Variants in AP5Z1 observed in about 807,000 individuals in gnomAD.
AP5Z1 encodes AP-5 complex subunit zeta-1.
AP5Z1 carries 106 observed loss-of-function variants against 83.0 expected under a neutral mutation model. That is an observed-to-expected ratio of 1.28 (90% CI 1.09 to 1.50). The LOEUF (loss-of-function observed/expected upper bound fraction) is 1.50. Among genes scored for constraint, AP5Z1 ranks in the 40% most tolerant of loss-of-function variants. The probability of loss-of-function intolerance (pLI) is 0.00; values close to 1 mark genes in which losing one functional copy is unlikely to be tolerated. For synonymous variants in AP5Z1, 751 were observed against 514.1 expected, an observed-to-expected ratio of 1.46 and a Z score of -6.23; for missense variants, 1,565 against 1,094.2, an observed-to-expected ratio of 1.43 and a Z score of -6.07.
rs1004764407 is a variant in AP5Z1 at position 4,783,544 on chromosome 7, G to C, written c.511+84G>C. Reference sequence around the variant, plus strand: ...AGGGCCCATGGTGGGTTGGGAGTGTGGGGGGCAGGTGGGGGACACGGGGAG... The same window carrying C: ...AGGGCCCATGGTGGGTTGGGAGTGTCGGGGGCAGGTGGGGGACACGGGGAG... On this transcript the variant is annotated intron_variant, in intron 4 of 16. Transcript: ENST00000649063. The C allele has an allele frequency of 7.0e-6, 11 of 1,566,184 alleles. No homozygotes were observed. In the East Asian group the frequency reaches 1.4e-4, roughly 19 times the overall value.
At chr7:4,782,826 G>A (rs958962107) in intron 3 of AP5Z1, among the ~76,000 whole-genome samples, 1 of 152,178 alleles carries the variant, frequency 6.6e-6, no homozygotes, top group Non-Finnish European at 1.5e-5. Context: ...CTGCTGCCAG[G>A]CGCCAGCGGT....
rs1781777969 is a variant in AP5Z1 at position 4,791,634 on chromosome 7, T to TGA, written c.*249_*250insGA. 3.5e-6 allele frequency: 2 copies of TGA among 567,362 alleles called. No homozygotes were observed. Among genetic ancestry groups the TGA allele is most frequent in the Non-Finnish European group, 3.0e-6 (1 of 332,788 alleles). 35.1% of individuals were successfully genotyped at this position (567,362 alleles called of 1,614,324 possible). A position where few individuals can be genotyped will look rare whatever the true frequency, so the allele number is the denominator to read the frequency against. Reference sequence around the variant, plus strand: ...GAGGGGTGCCATGGAGCGGCTCTGATTGGAGGCTTGAGGCCCTGTGGCTGG... The same window carrying TGA: ...GAGGGGTGCCATGGAGCGGCTCTGATGATGGAGGCTTGAGGCCCTGTGGCTGG... On this transcript the variant is annotated 3_prime_UTR_variant, in exon 17 of 17. Transcript: ENST00000649063.
At chr7:4,790,138 T>C in intron 14 of AP5Z1, 3 of 1,459,332 alleles carry the variant, frequency 2.1e-6, no homozygotes, top group Non-Finnish European at 9.1e-7. Context: ...TCCTTCTTTC[T>C]GCCGAGCCTG....
intron 13 of AP5Z1, among the ~76,000 whole-genome samples, chr7:4,789,550 C>G (rs574815513): frequency 1.3e-5 from 2 of 152,338 alleles, no homozygotes; most frequent in South Asian, 4.1e-4. Flanking sequence ...GCACCCTTGG[C>G]CAAACAAGAC....
Position 4,790,595 on chromosome 7 carries a change from A to C in AP5Z1, c.1938+4A>C. On this transcript the variant is annotated splice_donor_region_variant and intron_variant, in intron 15 of 16. Coordinates refer to ENST00000649063, the MANE Select transcript of AP5Z1 (RefSeq NM_014855.3). ...GGCGAGCCTCGTCACCAGCGTGGTA[A>C]GGCGGGCGCTGGCCTCCCACAGCCG... 6.2e-7 allele frequency: 1 copy of C among 1,612,638 alleles called. No individual in the cohort carries two copies. Among genetic ancestry groups the C allele is most frequent in the Non-Finnish European group, 8.5e-7 (1 of 1,179,674 alleles).
chr7:4,781,856 T>A, intron 3 of AP5Z1, 102 bp downstream of exon 3: 1 of 1,329,772 alleles, frequency 7.5e-7, no homozygotes, highest in Non-Finnish European at 9.9e-7. Flanking sequence ...TGGCTGCTTG[T>A]TGTAGACGCA....
intron 9 of AP5Z1, 72 bp downstream of exon 9, chr7:4,785,756 T>C (rs1743387993): frequency 3.0e-6 from 4 of 1,347,910 alleles, no homozygotes; most frequent in African/African-American, 1.6e-5. Flanking sequence ...GAATTTCTTC[T>C]TCCCTTTTTT....
Position 4,791,213 on chromosome 7 carries a change from C to T in AP5Z1, c.2252C>T (p.Ala751Val), listed in dbSNP as rs747565297. ...GGCGCGGAAGCCATCCGTACCCGGG[C>T]CACAGAGCTGCTGACCCTGCTGAAG... ...EEGAEAIRTR[A>V]TELLTLLKMP... Residue 751 changes from alanine to valine, a missense_variant, in exon 17 of 17, where the codon GCC becomes GTC. By Grantham distance (64) the Ala-to-Val change is moderately conservative. Coordinates refer to ENST00000649063, the MANE Select transcript of AP5Z1 (RefSeq NM_014855.3). 1.2e-6 allele frequency: 2 copies of T among 1,612,780 alleles called. No individual in the cohort carries two copies. The highest frequency in any genetic ancestry group is 1.7e-6 in the Non-Finnish European group (2 of 1,179,822).
intron 11 of AP5Z1, 147 bp from the exon 12 acceptor site, chr7:4,788,007 C>A (rs1583236918): frequency 4.5e-6 from 6 of 1,323,756 alleles, no homozygotes; most frequent in Middle Eastern, 5.5e-4. Flanking sequence ...CGTCTTCACG[C>A]CCAGGCCTGG....
At position 4,790,476 on chromosome 7, in the gene AP5Z1, T is replaced by G; in HGVS notation, c.1823T>G (p.Phe608Cys). Residue 608 changes from phenylalanine (F) to cysteine (C), a missense_variant, in exon 15 of 17, where the codon TTC becomes TGC. Phe to Cys is a radical substitution (Grantham distance 205). Transcript: ENST00000649063. ...CTGGGCAGTGTGCTGAGTTCTCAGT[T>G]CCTGGCCCTGTGTACGCTGAAACCC... is the stretch of plus-strand genomic sequence containing the variant. The part of the protein sequence containing the change: ...AGVHSVLSSQ[F>C]LALCTLKPSL... The G allele has an allele frequency of 1.2e-6, 2 of 1,613,160 alleles. No individual in the cohort carries two copies. The highest frequency in any genetic ancestry group is 1.7e-6 in the Non-Finnish European group (2 of 1,179,864).
chr7:4,782,600 G>A (rs1358572249), intron 3 of AP5Z1, among the ~76,000 whole-genome samples: 2 of 152,072 alleles, frequency 1.3e-5, no homozygotes, highest in Non-Finnish European at 2.9e-5. Flanking sequence ...CGTACTCAGG[G>A]CGTTGTACTT....
In AP5Z1 at chr7:4,792,576, C is replaced by G. The variant is rs894877580; in HGVS notation, c.*1191C>G. Reference sequence around the variant, plus strand: ...ACCGCGGGGTCCTCACCGCCAGGTTCCAGCCCAGGAAGCGCTCGCCTGCCC... The same window carrying G: ...ACCGCGGGGTCCTCACCGCCAGGTTGCAGCCCAGGAAGCGCTCGCCTGCCC... On this transcript the variant is annotated 3_prime_UTR_variant, in exon 17 of 17. Transcript: ENST00000649063. 1 of 152,258 alleles carries G rather than the reference C, an allele frequency of 6.6e-6. No homozygotes were observed. Among genetic ancestry groups the G allele is most frequent in the African/African-American group, 2.4e-5 (1 of 41,456 alleles). The allele number at this position is 152,258 out of a possible 1,614,324, so 9.4% of individuals were successfully genotyped here.
intron 3 of AP5Z1, 63 bp downstream of exon 3, chr7:4,781,817 C>T: frequency 6.9e-7 from 1 of 1,453,568 alleles, no homozygotes; most frequent in Non-Finnish European, 9.1e-7. Context: ...ACAGGGGAGA[C>T]AGGAAGCAGG....
In AP5Z1 at chr7:4,783,793, C is replaced by T. The variant is rs761451474; in HGVS notation, c.616C>T (p.Arg206Trp). The T allele has an allele frequency of 2.9e-5, 45 of 1,547,822 alleles. No individual in the cohort carries two copies. Among genetic ancestry groups the T allele is most frequent in the South Asian group, 1.5e-4 (13 of 84,070 alleles). Residue 206 changes from arginine to tryptophan, a missense_variant, in exon 5 of 17, where the codon CGG becomes TGG. Arg to Trp is a moderately radical substitution (Grantham distance 101). Transcript: ENST00000649063. ...CGGCTTCTTCTCCACGCCCAGGGCC[C>T]GGCAGGTGAGGCTGGGACTGTTCTG... ...SGGFFSTPRA[R>W]QPGPVTEVDG...
chr7:4,787,308 C>G (rs1245270482), intron 10 of AP5Z1, among the ~76,000 whole-genome samples: 4 of 151,844 alleles, frequency 2.6e-5, no homozygotes, highest in Non-Finnish European at 5.9e-5. Context: ...CTGGGCAACA[C>G]AGGGAGACCT....
intron 3 of AP5Z1, among the ~76,000 whole-genome samples, chr7:4,782,682 C>T (rs1437707831): frequency 6.6e-6 from 1 of 152,160 alleles, no homozygotes; most frequent in East Asian, 1.9e-4. Context: ...ACCTCCAGGC[C>T]TCCGAGATGA....
In AP5Z1 at chr7:4,785,547, T is replaced by C; in HGVS notation, c.995T>C (p.Leu332Pro). The part of the protein sequence containing the change: ...KACLVEAVLV[L>P]DVLCRQDPSF... ...TGCCTGGTGGAGGCCGTGCTGGTGC[T>C]GGACGTGCTGTGCCGGCAGGACCCG... Residue 332 changes from leucine (L) to proline (P), a missense_variant, in exon 9 of 17, where the codon CTG (leucine) becomes CCG (proline). By Grantham distance (98) the Leu-to-Pro change is moderately conservative. Coordinates refer to ENST00000649063, the MANE Select transcript of AP5Z1 (RefSeq NM_014855.3). The C allele has an allele frequency of 6.2e-6, 10 of 1,612,604 alleles. No individual in the cohort carries two copies. Among genetic ancestry groups the C allele is most frequent in the Non-Finnish European group, 8.5e-6 (10 of 1,179,590 alleles).
chr7:4,788,162 C>T lies in AP5Z1; in HGVS notation c.1463C>T (p.Pro488Leu), dbSNP rs372654170. The change falls in exon 12 of 17, where the codon CCG becomes CTG. Residue 488 changes from proline (P) to leucine (L), a missense_variant. By Grantham distance (98) the Pro-to-Leu change is moderately conservative. Transcript: ENST00000649063. ...GGCGTCTGTCCACGCAGGTCAGCAC[C>T]GGCTGCATCCGAGAGGCCACTCTGG... ...AVLDLQLRSAPAASERPLWDT... is the reference protein window; with the variant it reads ...AVLDLQLRSALAASERPLWDT... 4.7e-5 allele frequency: 73 copies of T among 1,552,006 alleles called. 1 individual carries two copies. In the Middle Eastern group the frequency reaches 6.6e-4, roughly 14 times the overall value.
Position 4,790,680 on chromosome 7 carries a change from C to T in AP5Z1, c.1946C>T (p.Ala649Val), listed in dbSNP as rs1781735150. Reference sequence around the variant, plus strand: ...CTCTGTCCCCGGGCCTAGGTGTGGGCCATCGGCGAGTACCTGTCGGTGACC... The same window carrying T: ...CTCTGTCCCCGGGCCTAGGTGTGGGTCATCGGCGAGTACCTGTCGGTGACC... ...RASLVTSVVW[A>V]IGEYLSVTYD... Residue 649 changes from alanine to valine, a missense_variant, in exon 16 of 17, where the codon GCC (alanine) becomes GTC (valine). By Grantham distance (64) the Ala-to-Val change is moderately conservative. Coordinates refer to ENST00000649063, the MANE Select transcript of AP5Z1 (RefSeq NM_014855.3). 6.2e-7 allele frequency: 1 copy of T among 1,612,028 alleles called. No individual in the cohort carries two copies. The highest frequency in any genetic ancestry group is 8.5e-7 in the Non-Finnish European group (1 of 1,179,664).
Sources: allele counts gnomAD v4.1 joint callset (sites outside exome capture counted in the v4.1 genomes callset), GRCh38; gene constraint gnomAD v4.1.1; transcripts MANE v1.5; gene names NCBI Gene and HGNC (gene_info 2026-07-23, HGNC 2026-07-21).